Variants in DROSHA observed in about 807,000 individuals in gnomAD.
The protein encoded by DROSHA is ribonuclease 3.
In DROSHA, 56 loss-of-function variants were observed where a neutral mutation model predicts 181.9. That is an observed-to-expected ratio of 0.31 (90% CI 0.25 to 0.38). DROSHA has a LOEUF of 0.38. Ranked by LOEUF, DROSHA falls within the 10% of genes least tolerant of loss-of-function variation. The probability of loss-of-function intolerance (pLI) is 1.00; values close to 1 mark genes in which losing one functional copy is unlikely to be tolerated. For synonymous variants in DROSHA, 524 were observed against 591.2 expected, an observed-to-expected ratio of 0.89 and a Z score of 1.65; for missense variants, 1,218 against 1,743.5, an observed-to-expected ratio of 0.70 and a Z score of 5.37.
intron 13 of DROSHA, among the ~76,000 whole-genome samples, chr5:31,487,956 G>A (rs1751972274): frequency 6.6e-6 from 1 of 151,948 alleles, no homozygotes; most frequent in African/African-American, 2.4e-5. Context: ...ATAAGCTACG[G>A]GTCCTATCTT....
chr5:31,409,525 T>C lies in DROSHA; in HGVS notation c.3668-193A>G, dbSNP rs1473136384. ...CAGAAGCAGCAAGAGATGTGTAAGA[T>C]GCAAATCATAGAGTACAAACACCAA... On this transcript the variant is annotated intron_variant, in intron 31 of 35. Coordinates refer to ENST00000344624, the MANE Select transcript of DROSHA (RefSeq NM_001382508.1). This position sits in a 1 kb window ranked among gnomAD's most constrained non-coding sequence, Gnocchi z 4.0. The C allele has an allele frequency of 1.0e-5, 6 of 579,250 alleles. No homozygotes were observed. The highest frequency in any genetic ancestry group is 1.9e-5 in the Non-Finnish European group (6 of 323,192). 35.9% of individuals were successfully genotyped at this position (579,250 alleles called of 1,614,324 possible).
intron 34 of DROSHA, 47 bp from the exon 35 acceptor site, chr5:31,405,770 T>A: frequency 8.1e-6 from 7 of 864,728 alleles, no homozygotes; most frequent in African/African-American, 2.2e-5. Context: ...CAAGATTCTT[T>A]TTTTTTTTTT....
chr5:31,495,742 G>A (rs1199188252), intron 11 of DROSHA, among the ~76,000 whole-genome samples: 1 of 152,178 alleles, frequency 6.6e-6, no homozygotes, highest in Non-Finnish European at 1.5e-5. Flanking sequence ...ATGAAGACTT[G>A]GTGTTCTTCC....
intron 30 of DROSHA, among the ~76,000 whole-genome samples, chr5:31,419,095 G>T (rs115356864): frequency 6.6e-6 from 1 of 152,160 alleles, no homozygotes; most frequent in Non-Finnish European, 1.5e-5. Context: ...TGCAAAGTAG[G>T]CTGAGAAAGA....
chr5:31,515,676 G>T (rs921904397), intron 6 of DROSHA, 112 bp from the exon 7 acceptor site: 1 of 1,421,426 alleles, frequency 7.0e-7, no homozygotes, highest in Non-Finnish European at 9.4e-7. Context: ...AGGAAAAAAA[G>T]ATTTTAAGAC....
At chr5:31,524,223 C>T (rs1413654972) in intron 5 of DROSHA, among the ~76,000 whole-genome samples, 1 of 152,148 alleles carries the variant, frequency 6.6e-6, no homozygotes, top group East Asian at 1.9e-4. Context: ...ACCTTCTGAG[C>T]ACTAATCCCT....
intron 30 of DROSHA, among the ~76,000 whole-genome samples, chr5:31,416,035 T>C (rs1336564378): frequency 6.6e-6 from 1 of 152,190 alleles, no homozygotes; most frequent in Non-Finnish European, 1.5e-5. Context: ...CAGAATGTTT[T>C]TCCCCATCAG....
chr5:31,466,257 A>G lies in DROSHA; in HGVS notation c.2391T>C (p.Tyr797=), dbSNP rs752996742. 8 of 1,613,610 alleles carry G rather than the reference A, an allele frequency of 5.0e-6. No individual in the cohort carries two copies. The highest frequency in any genetic ancestry group is 4.2e-6 in the Non-Finnish European group (5 of 1,179,728). ...DPQYQKLWKS[Y]VKLRHLLANS... The stretch of plus-strand genomic sequence containing the variant: ...TTGCTAGGAGGTGGCGAAGTTTCAC[A>G]TAACTCTTCCACAGTTTTTGGTACC... Residue 797 remains tyrosine (Y), a synonymous_variant, in exon 19 of 36, where the codon TAT becomes TAC. Coordinates refer to ENST00000344624, the MANE Select transcript of DROSHA (RefSeq NM_001382508.1).
intron 26 of DROSHA, among the ~76,000 whole-genome samples, chr5:31,430,539 G>T (rs1036094797): frequency 5.9e-5 from 9 of 152,306 alleles, no homozygotes; most frequent in African/African-American, 2.2e-4. Context: ...CAGGCTCACA[G>T]ATGAGGAAAC....
chr5:31,498,274 A>T (rs4867068), intron 11 of DROSHA, among the ~76,000 whole-genome samples: 53,915 of 151,878 alleles, frequency 0.35, 9,778 homozygotes, highest in East Asian at 0.58. Context: ...TGCCACTTAC[A>T]GTATACTCCA....
chr5:31,422,120 A>C (rs1742829437), intron 29 of DROSHA, among the ~76,000 whole-genome samples: 1 of 151,124 alleles, frequency 6.6e-6, no homozygotes. Flanking sequence ...AAAGAAAAAG[A>C]AAAAGAAATA....
At chr5:31,430,853 G>T (rs1256432529) in intron 26 of DROSHA, among the ~76,000 whole-genome samples, 1 of 152,076 alleles carries the variant, frequency 6.6e-6, no homozygotes, top group Non-Finnish European at 1.5e-5. Flanking sequence ...GGCAAAAATG[G>T]TAAGAACAAA....
Position 31,435,877 on chromosome 5 carries a change from A to G in DROSHA, c.2943-13T>C. 6.2e-7 allele frequency: 1 copy of G among 1,608,034 alleles called. No homozygotes were observed. Among genetic ancestry groups the G allele is most frequent in the Non-Finnish European group, 8.5e-7 (1 of 1,177,884 alleles). On this transcript the variant is annotated splice_polypyrimidine_tract_variant and intron_variant, in intron 24 of 35. Transcript: ENST00000344624. ...GTACAAATGGACGCTACAAAAAAAAAAAGAAGTACATGAATAAATATGCAT... is the reference window on the plus strand; with the variant it reads ...GTACAAATGGACGCTACAAAAAAAAGAAGAAGTACATGAATAAATATGCAT...
At chr5:31,456,461 G>GAT (rs1747665539) in intron 20 of DROSHA, among the ~76,000 whole-genome samples, 1 of 63,876 alleles carries the variant, frequency 1.6e-5, no homozygotes, top group African/African-American at 4.6e-5. Context: ...AAGACAACAA[G>GAT]ATACACACAC....
intron 24 of DROSHA, among the ~76,000 whole-genome samples, chr5:31,436,589 C>T (rs933587556): frequency 6.6e-6 from 1 of 152,070 alleles, no homozygotes; most frequent in Non-Finnish European, 1.5e-5. Context: ...GATGTGGTTT[C>T]GCCATGTTGG....
intron 22 of DROSHA, 70 bp downstream of exon 22, chr5:31,449,211 G>A: frequency 1.3e-6 from 2 of 1,580,982 alleles, no homozygotes; most frequent in Non-Finnish European, 1.7e-6. Flanking sequence ...ATTCCTAGAG[G>A]CGAAATAATT....
Position 31,407,438 on chromosome 5 carries a change from T to C in DROSHA, c.3855-493A>G, listed in dbSNP as rs184446702. ...TATCTAAAAGATCAGAAAATGTATT[T>C]AATTTCTGAAACATCTGAGATCACT... On this transcript the variant is annotated intron_variant, in intron 33 of 35. Coordinates refer to ENST00000344624, the MANE Select transcript of DROSHA (RefSeq NM_001382508.1). Among the ~76,000 whole-genome samples the C allele has an allele frequency of 1.3e-4, 20 of 152,350 alleles. No individual in the cohort carries two copies. In the East Asian group the frequency reaches 1.9e-3, roughly 15 times the overall value.
At chr5:31,482,221 CTA>C (rs1751109061) in intron 16 of DROSHA, among the ~76,000 whole-genome samples, 2 of 152,168 alleles carry the variant, frequency 1.3e-5, no homozygotes, top group South Asian at 4.1e-4. Context: ...ATAGCAGCAG[CTA>C]TGTTTTACTC....
At chr5:31,498,620 G>A (rs1753258847) in intron 11 of DROSHA, among the ~76,000 whole-genome samples, 1 of 152,134 alleles carries the variant, frequency 6.6e-6, no homozygotes, top group South Asian at 2.1e-4. Context: ...CACTTTGGGA[G>A]GCCAAGGTGG....
Sources: allele counts gnomAD v4.1 joint callset (sites outside exome capture counted in the v4.1 genomes callset), GRCh38; gene constraint gnomAD v4.1.1; non-coding constraint Gnocchi (gnomAD v3.1); transcripts MANE v1.5; gene names NCBI Gene and HGNC (gene_info 2026-07-23, HGNC 2026-07-21).